The following NRXN1 variants were observed in gnomAD, a reference collection of about 807,000 sequenced individuals.
NRXN1 encodes the protein neurexin 1.
In NRXN1, 39 loss-of-function variants were observed where a neutral mutation model predicts 150.9. The ratio of observed to expected loss-of-function variants is 0.26; its 90% CI spans 0.20 to 0.34. The LOEUF (loss-of-function observed/expected upper bound fraction) is 0.34, where lower values mean the gene tolerates loss of function less well. NRXN1 is among the 10% of genes least tolerant of loss of function. The pLI is 1.00. For synonymous variants in NRXN1, 924 were observed against 757.0 expected (o/e 1.22, Z -3.62); for missense variants, 1,815 against 1,949.9 (o/e 0.93, Z 1.30).
At position 50,396,670 on chromosome 2, in the gene NRXN1, G is replaced by A. The variant is rs999024019; in HGVS notation, c.3364+68772C>T. 2.6e-5 allele frequency among the ~76,000 whole-genome samples: 4 copies of A among 152,204 alleles called. No individual in the cohort carries two copies. In the East Asian group the frequency reaches 7.8e-4, roughly 30 times the overall value. Reference sequence around the variant, plus strand: ...GTGCGAAGGAGGCATAGCAAGGCAAGACTGTTTAAGTATAACCATAAAGGG... The same window carrying A: ...GTGCGAAGGAGGCATAGCAAGGCAAAACTGTTTAAGTATAACCATAAAGGG... On this transcript the variant is annotated intron_variant, in intron 17 of 22. Transcript: ENST00000401669.
intron 5 of NRXN1, among the ~76,000 whole-genome samples, chr2:50,905,593 A>G (rs1377844108): frequency 6.6e-6 from 1 of 152,038 alleles, no homozygotes. Flanking sequence ...AAGCTGTTCC[A>G]ATATTTCTAA....
intron 17 of NRXN1, among the ~76,000 whole-genome samples, chr2:50,457,897 G>C (rs140085370): frequency 2.0e-4 from 31 of 152,198 alleles, no homozygotes; most frequent in African/African-American, 7.2e-4. Flanking sequence ...ATGTGAATTA[G>C]TACAACCACT....
intron 21 of NRXN1, among the ~76,000 whole-genome samples, chr2:49,947,503 C>CTTTTTTTTT (rs376145888): frequency 4.5e-5 from 6 of 134,068 alleles, no homozygotes; most frequent in African/African-American, 5.4e-5. Context: ...TTTTTTCTTT[C>CTTTTTTTTT]TTTTTTTTTT....
intron 21 of NRXN1, among the ~76,000 whole-genome samples, chr2:49,979,634 G>A (rs1300879588): frequency 6.6e-6 from 1 of 152,174 alleles, no homozygotes; most frequent in Non-Finnish European, 1.5e-5. Context: ...AACTCCAGTT[G>A]ACAGGAACTA....
At chr2:50,844,239 T>C (rs1462966171) in intron 5 of NRXN1, among the ~76,000 whole-genome samples, 1 of 152,204 alleles carries the variant, frequency 6.6e-6, no homozygotes, top group African/African-American at 2.4e-5. Flanking sequence ...TCAAGTACTA[T>C]GGCGTTACAA....
Position 50,034,849 on chromosome 2 carries a change from C to A in NRXN1, c.4128+18422G>T, listed in dbSNP as rs190453541. On this transcript the variant is annotated intron_variant, in intron 21 of 22. Transcript: ENST00000401669. Reference sequence around the variant, plus strand: ...GTTGACTTACCTGAATACTGTTATTCTAAGGTCCACTTGGATAATTTATAT... The same window carrying A: ...GTTGACTTACCTGAATACTGTTATTATAAGGTCCACTTGGATAATTTATAT... 1.2e-3 allele frequency among the ~76,000 whole-genome samples: 190 copies of A among 152,048 alleles called. 1 individual carries two copies. Among genetic ancestry groups the A allele is most frequent in the African/African-American group, 4.3e-3 (179 of 41,506 alleles).
intron 21 of NRXN1, among the ~76,000 whole-genome samples, chr2:49,999,961 G>A (rs372536392): frequency 7.2e-5 from 11 of 151,966 alleles, no homozygotes; most frequent in African/African-American, 1.7e-4. Context: ...AAGATTTTTC[G>A]GTTTTTAATC....
chr2:50,498,634 T>C (rs2091777496), intron 13 of NRXN1, among the ~76,000 whole-genome samples: 1 of 152,192 alleles, frequency 6.6e-6, no homozygotes, highest in Admixed American at 6.5e-5. Context: ...TAGTCCCATC[T>C]TTATCTCCAG....
At chr2:50,737,132 G>A (rs1318019323) in intron 5 of NRXN1, among the ~76,000 whole-genome samples, 2 of 152,030 alleles carry the variant, frequency 1.3e-5, no homozygotes, top group African/African-American at 4.8e-5. Context: ...GGCAGTGCGT[G>A]CCTGTAATCC....
At chr2:50,085,672 T>C (rs1239314702) in intron 19 of NRXN1, among the ~76,000 whole-genome samples, 2 of 133,902 alleles carry the variant, frequency 1.5e-5, no homozygotes, top group African/African-American at 5.7e-5. Context: ...AGATAAATTA[T>C]AATTTATCAT....
chr2:50,290,045 G>C (rs1195085666), intron 17 of NRXN1, among the ~76,000 whole-genome samples: 1 of 152,126 alleles, frequency 6.6e-6, no homozygotes, highest in African/African-American at 2.4e-5. Flanking sequence ...AGTTATAATA[G>C]TGAGAAAATG....
chr2:50,790,412 A>G (rs780658222), intron 5 of NRXN1, among the ~76,000 whole-genome samples: 1 of 152,156 alleles, frequency 6.6e-6, no homozygotes, highest in Admixed American at 6.5e-5. Context: ...AAACAACCCA[A>G]CAGCCATCCA....
chr2:49,994,783 A>C (rs1341952994), intron 21 of NRXN1, among the ~76,000 whole-genome samples: 1 of 152,216 alleles, frequency 6.6e-6, no homozygotes, highest in Non-Finnish European at 1.5e-5. Context: ...TCAAACAAGA[A>C]AGTATTCTGC....
intron 17 of NRXN1, among the ~76,000 whole-genome samples, chr2:50,355,235 T>C (rs1210444071): frequency 6.8e-6 from 1 of 147,458 alleles, no homozygotes; most frequent in Non-Finnish European, 1.5e-5. Flanking sequence ...AAATTCAGGA[T>C]ATATAAATTA....
chr2:50,979,404 T>C (rs1696419859), intron 2 of NRXN1: 1 of 410,934 alleles, frequency 2.4e-6, no homozygotes, highest in Non-Finnish European at 4.8e-6. Context: ...ATTTCCATCT[T>C]GGGATACTAG....
chr2:50,266,296 G>C (rs956689695), intron 17 of NRXN1, among the ~76,000 whole-genome samples: 4 of 150,024 alleles, frequency 2.7e-5, no homozygotes, highest in African/African-American at 9.7e-5. Context: ...ACCACTCCTG[G>C]CTGAGGATCA....
At chr2:50,575,364 C>T (rs1396865866) in intron 8 of NRXN1, among the ~76,000 whole-genome samples, 1 of 152,122 alleles carries the variant, frequency 6.6e-6, no homozygotes, top group South Asian at 2.1e-4. Context: ...CTGCATCTTC[C>T]CCAGGGTGGG....
intron 18 of NRXN1, among the ~76,000 whole-genome samples, chr2:50,110,428 C>G (rs1162085730): frequency 7.0e-6 from 1 of 143,808 alleles, no homozygotes; most frequent in Admixed American, 7.2e-5. Context: ...GGAGGCGGAG[C>G]TTGCAGTGAG....
chr2:50,061,360 A>G (rs917610797), intron 19 of NRXN1, among the ~76,000 whole-genome samples: 1 of 152,234 alleles, frequency 6.6e-6, no homozygotes, highest in Non-Finnish European at 1.5e-5. Flanking sequence ...AGGATCTAAT[A>G]TCAAATATGC....
Sources: gnomAD v4.1 joint callset for allele counts (sites outside exome capture counted in the v4.1 genomes callset) on GRCh38, gnomAD v4.1.1 for gene constraint, MANE v1.5 for transcripts, NCBI Gene and HGNC (gene_info 2026-07-23, HGNC 2026-07-21) for gene names.